NPHS2: variants seen among roughly 807,000 people sequenced by gnomAD.
NPHS2 encodes the protein NPHS2 stomatin family member, podocin.
NPHS2 carries 36 observed loss-of-function variants against 37.1 expected under a neutral mutation model. That is an observed-to-expected ratio of 0.97 (90% CI 0.74 to 1.28). The LOEUF (loss-of-function observed/expected upper bound fraction) is 1.28. Ranked by LOEUF, NPHS2 falls within the 50% of genes most tolerant of loss-of-function variation. The probability of loss-of-function intolerance (pLI) is 0.00; values close to 1 mark genes in which losing one functional copy is unlikely to be tolerated. For synonymous variants in NPHS2, 196 were observed against 189.3 expected, an observed-to-expected ratio of 1.04 and a Z score of -0.29; for missense variants, 447 against 488.1, an observed-to-expected ratio of 0.92 and a Z score of 0.79.
At chr1:179,555,305 A>G (rs531060064) in intron 5 of NPHS2, among the ~76,000 whole-genome samples, 5 of 152,296 alleles carry the variant, frequency 3.3e-5, no homozygotes, top group Middle Eastern at 3.4e-3. Flanking sequence ...TCTCTTCCAG[A>G]TGTCTTTCAT....
chr1:179,554,852 A>G (rs1673824100), intron 5 of NPHS2: 1 of 399,794 alleles, frequency 2.5e-6, no homozygotes, highest in East Asian at 4.5e-5. Flanking sequence ...AAGGCTCTTG[A>G]GATGGGGATA....
intron 1 of NPHS2, among the ~76,000 whole-genome samples, chr1:179,575,238 A>G (rs1234149191): frequency 6.6e-6 from 1 of 152,114 alleles, no homozygotes; most frequent in East Asian, 1.9e-4. Context: ...CAGCTCGTGC[A>G]TGTCTTTACT....
chr1:179,575,778 G>A lies in NPHS2; in HGVS notation c.87C>T (p.Ala29=), dbSNP rs12123397. 7.3e-6 allele frequency: 11 copies of A among 1,497,666 alleles called. No individual in the cohort carries two copies. Among genetic ancestry groups the A allele is most frequent in the South Asian group, 1.3e-5 (1 of 78,252 alleles). The allele number at this position is 1,497,666 out of a possible 1,614,324, so 92.8% of individuals were successfully genotyped here. Residue 29 remains alanine (A), a synonymous_variant, in exon 1 of 8, where the codon GCC becomes GCT. Transcript: ENST00000367615. ...GCCCGCGGCCTCCGCCGCTCCTCTC[G>A]GCCTTTGCCCTCTTGTTCTCCTTGT... ...TPHKENKRAK[A]ERSGGGRGRQ... is the part of the protein sequence containing the mutation.
At chr1:179,562,013 G>A (rs886071069) in intron 2 of NPHS2, among the ~76,000 whole-genome samples, 9 of 152,108 alleles carry the variant, frequency 5.9e-5, no homozygotes, top group African/African-American at 1.4e-4. Context: ...CGCCATATTC[G>A]TCAGGCTGGT....
rs371664350 is a variant in NPHS2, at chr1:179,552,624, C to T, written c.852G>A (p.Ala284=). 5.4e-5 allele frequency: 87 copies of T among 1,613,560 alleles called. No homozygotes were observed. Among genetic ancestry groups the T allele is most frequent in the Admixed American group, 1.7e-4 (10 of 59,974 alleles). The change falls in exon 7 of 8, where the codon GCG becomes GCA. Residue 284 remains alanine, a synonymous_variant. Coordinates refer to ENST00000367615, the MANE Select transcript of NPHS2 (RefSeq NM_014625.4). ...TCACCCGCACTTTGGCTTGTCTTTGCGCTTCAGCCTCCACAGCCAGTGAGT... is the reference window on the plus strand; with the variant it reads ...TCACCCGCACTTTGGCTTGTCTTTGTGCTTCAGCCTCCACAGCCAGTGAGT... ...LQHSLAVEAE[A]QRQAKVRMIA...
Position 179,564,745 on chromosome 1 carries a change from A to G in NPHS2, c.323T>C (p.Ile108Thr). The change falls in exon 2 of 8, where the codon ATT (isoleucine) becomes ACT (threonine). Residue 108 changes from isoleucine to threonine, a missense_variant. Physicochemically the swap from Ile to Thr is moderately conservative, Grantham distance 89. Coordinates refer to ENST00000367615, the MANE Select transcript of NPHS2 (RefSeq NM_014625.4). ...GGTCATGATGATGAAGAGCAGGGAAATGAGGACAAGAAGCCACTCACAGGC... is the reference window on the plus strand; with the variant it reads ...GGTCATGATGATGAAGAGCAGGGAAGTGAGGACAAGAAGCCACTCACAGGC... ...LGACEWLLVL[I>T]SLLFIIMTFP... The G allele has an allele frequency of 6.2e-7, 1 of 1,614,220 alleles. No homozygotes were observed. Among genetic ancestry groups the G allele is most frequent in the Non-Finnish European group, 8.5e-7 (1 of 1,180,044 alleles).
At chr1:179,571,392 G>A (rs985765477) in intron 1 of NPHS2, among the ~76,000 whole-genome samples, 3 of 152,314 alleles carry the variant, frequency 2.0e-5, no homozygotes, top group East Asian at 3.9e-4. Context: ...TATCACCAGC[G>A]GAGGCTGCAG....
rs78541594 is a variant in NPHS2, at chr1:179,575,916, G to C, written c.-52C>G. 0.012 allele frequency: 15,648 copies of C among 1,352,906 alleles called. 1,387 individuals carry two copies. The African/African-American group carries it at 0.2, about 18-fold the overall frequency. The allele number at this position is 1,352,906 out of a possible 1,614,324, so 83.8% of individuals were successfully genotyped here. ...AGCAGCGCGGGAGCGCTAGGGGCACGGGAGCGCAGTCCCTGTGGAGTCGCT... is the reference window on the plus strand; with the variant it reads ...AGCAGCGCGGGAGCGCTAGGGGCACCGGAGCGCAGTCCCTGTGGAGTCGCT... On this transcript the variant is annotated 5_prime_UTR_variant, in exon 1 of 8. Coordinates refer to ENST00000367615, the MANE Select transcript of NPHS2 (RefSeq NM_014625.4).
At chr1:179,555,484 C>A (rs1411959280) in intron 5 of NPHS2, among the ~76,000 whole-genome samples, 1 of 152,222 alleles carries the variant, frequency 6.6e-6, no homozygotes. Flanking sequence ...TTGACCCAAA[C>A]TCTTCTTTTT....
At chr1:179,564,071 G>C (rs1432083317) in intron 2 of NPHS2, among the ~76,000 whole-genome samples, 1 of 152,188 alleles carries the variant, frequency 6.6e-6, no homozygotes, top group Non-Finnish European at 1.5e-5. Flanking sequence ...ACAGTCAGAG[G>C]CTCTTTCTGC....
chr1:179,566,447 G>A (rs563418457), intron 1 of NPHS2, among the ~76,000 whole-genome samples: 47 of 152,272 alleles, frequency 3.1e-4, no homozygotes, highest in Middle Eastern at 3.4e-3. Flanking sequence ...TGAGTTCTTT[G>A]TAGATTCTGG....
At chr1:179,557,819 A>G (rs891827910) in intron 4 of NPHS2, among the ~76,000 whole-genome samples, 13 of 152,214 alleles carry the variant, frequency 8.5e-5, no homozygotes, top group African/African-American at 3.1e-4. Context: ...CTGTATGTCC[A>G]TTTAAAATAA....
chr1:179,551,374 A>C lies in NPHS2; in HGVS notation c.951T>G (p.Ala317=). The C allele has an allele frequency of 2.5e-6, 4 of 1,614,130 alleles. No individual in the cohort carries two copies. The highest frequency in any genetic ancestry group is 3.4e-6 in the Non-Finnish European group (4 of 1,180,010). ...MAAEILSGTP[A]AVQLRYLHTL... ...TGTGGAGGTATCGAAGCTGAACGGC[A>C]GCAGGGGTGCCTGACAGAATCTCAG... The change falls in exon 8 of 8, where the codon GCT becomes GCG. Residue 317 remains alanine (A), a synonymous_variant. Transcript: ENST00000367615.
chr1:179,554,659 G>A lies in NPHS2; in HGVS notation c.739-128C>T, dbSNP rs557151824. 3.1e-6 allele frequency: 4 copies of A among 1,309,772 alleles called. No individual in the cohort carries two copies. The African/African-American group carries it at 4.4e-5, about 14-fold the overall frequency. The allele number at this position is 1,309,772 out of a possible 1,614,324, so 81.1% of individuals were successfully genotyped here. The stretch of plus-strand genomic sequence containing the variant: ...TTTGAAAGGACATTATTTGCCTGTT[G>A]TATTTAACTTCACAGTGCCTTGCAA... On this transcript the variant is annotated intron_variant, in intron 5 of 7. Coordinates refer to ENST00000367615, the MANE Select transcript of NPHS2 (RefSeq NM_014625.4).
rs1401061614 is a variant in NPHS2 at position 179,554,547 on chromosome 1, T to C, written c.739-16A>G. On this transcript the variant is annotated splice_polypyrimidine_tract_variant and intron_variant, in intron 5 of 7. Transcript: ENST00000367615. ...CCAAGGCAACCTGTGGAAAGAAGAA[T>C]TCAGATGTCAGTGGGAGCCTCCAGG... The C allele has an allele frequency of 1.2e-6, 2 of 1,614,164 alleles. No individual in the cohort carries two copies. The highest frequency in any genetic ancestry group is 1.1e-5 in the South Asian group (1 of 91,082).
chr1:179,561,246 A>G, intron 3 of NPHS2, 43 bp downstream of exon 3: 1 of 1,401,822 alleles, frequency 7.1e-7, no homozygotes, highest in Non-Finnish European at 1.0e-6. Context: ...GAAATTGGCA[A>G]GTCAGGAGAG....
At position 179,552,686 on chromosome 1, in the gene NPHS2, AAAAG is replaced by A. The variant is rs1230101146; in HGVS notation, c.795-9_795-6del. ...GCTGGCAACCTCACATCTTTACTGA[AAAAG>A]AAAGAATGCAGGTATGTAGGTGTGC... On this transcript the variant is annotated splice_region_variant and splice_polypyrimidine_tract_variant and intron_variant, in intron 6 of 7. Transcript: ENST00000367615. 3.1e-6 allele frequency: 5 copies of A among 1,612,072 alleles called. No homozygotes were observed. The Admixed American group carries it at 8.3e-5, about 27-fold the overall frequency.
chr1:179,573,408 CTACA>C (rs1228512197), intron 1 of NPHS2, among the ~76,000 whole-genome samples: 28 of 152,340 alleles, frequency 1.8e-4, no homozygotes, highest in South Asian at 1.7e-3. Flanking sequence ...ATACTAGGCA[CTACA>C]TCCCATTCCT....
At chr1:179,561,171 A>G (rs958503080) in intron 3 of NPHS2, 118 bp downstream of exon 3, 8 of 806,172 alleles carry the variant, frequency 9.9e-6, no homozygotes, top group Non-Finnish European at 1.8e-5. Flanking sequence ...TGGAAAATTC[A>G]GATATCATGA....
Sources: gnomAD v4.1 joint callset for allele counts (sites outside exome capture counted in the v4.1 genomes callset) on GRCh38, gnomAD v4.1.1 for gene constraint, MANE v1.5 for transcripts, NCBI Gene and HGNC (gene_info 2026-07-23, HGNC 2026-07-21) for gene names.